DLG2: variants seen among roughly 807,000 people sequenced by gnomAD.
The protein encoded by DLG2 is disks large homolog 2.
DLG2 carries 45 observed loss-of-function variants against 132.5 expected under a neutral mutation model. The ratio of observed to expected loss-of-function variants is 0.34; its 90% CI spans 0.27 to 0.44. The LOEUF (loss-of-function observed/expected upper bound fraction) is 0.44. Ranked by LOEUF, DLG2 falls within the 20% of genes least tolerant of loss-of-function variation. DLG2 has a pLI of 1.00. For synonymous variants in DLG2, 424 were observed against 419.6 expected, an observed-to-expected ratio of 1.01 and a Z score of -0.13; for missense variants, 1,045 against 1,196.9, an observed-to-expected ratio of 0.87 and a Z score of 1.87.
intron 5 of DLG2, among the ~76,000 whole-genome samples, chr11:85,153,500 T>C (rs2077399602): frequency 6.6e-6 from 1 of 152,176 alleles, no homozygotes; most frequent in Non-Finnish European, 1.5e-5. Context: ...ATTTTCATTG[T>C]TTCTCACTAG....
intron 6 of DLG2, among the ~76,000 whole-genome samples, chr11:84,987,209 G>A (rs948916050): frequency 1.3e-5 from 2 of 152,078 alleles, no homozygotes; most frequent in Non-Finnish European, 2.9e-5. Flanking sequence ...AACCAAGGAG[G>A]TGAAAGACCT....
chr11:84,833,016 GGACTAT>G (rs1377093492), intron 6 of DLG2, among the ~76,000 whole-genome samples: 1 of 151,238 alleles, frequency 6.6e-6, no homozygotes, highest in African/African-American at 2.4e-5. Flanking sequence ...TTGGTATGTT[GGACTAT>G]GATTTTTAAT....
chr11:84,314,702 GTGCATATATA>G (rs2098336951), intron 7 of DLG2, among the ~76,000 whole-genome samples: 1 of 151,710 alleles, frequency 6.6e-6, no homozygotes, highest in African/African-American at 2.4e-5. Context: ...TTTTATATGT[GTGCATATATA>G]TGCATATATA....
chr11:84,888,162 A>T (rs763025341), intron 6 of DLG2, among the ~76,000 whole-genome samples: 17 of 152,096 alleles, frequency 1.1e-4, no homozygotes, highest in Non-Finnish European at 2.1e-4. Flanking sequence ...GGGCTAAGAG[A>T]TGCCCAGATA....
intron 21 of DLG2, among the ~76,000 whole-genome samples, chr11:83,492,669 C>T (rs2093922190): frequency 1.3e-5 from 2 of 152,178 alleles, no homozygotes; most frequent in Admixed American, 6.6e-5. Flanking sequence ...CTTCCAATTA[C>T]GCAGGCTGCA....
chr11:83,990,054 C>T (rs2093617588), intron 11 of DLG2, among the ~76,000 whole-genome samples: 2 of 152,124 alleles, frequency 1.3e-5, no homozygotes, highest in African/African-American at 2.4e-5. Flanking sequence ...ACACCACCTA[C>T]TGTGGAATGT....
chr11:84,533,905 CAA>C (rs558597260), intron 7 of DLG2, among the ~76,000 whole-genome samples: 20 of 70,272 alleles, frequency 2.8e-4, no homozygotes, highest in African/African-American at 8.4e-4. Context: ...CCAGTTCAGC[CAA>C]AAAAAAAAAA....
intron 19 of DLG2, among the ~76,000 whole-genome samples, chr11:83,571,533 A>C (rs192153922): frequency 2.6e-5 from 4 of 151,750 alleles, no homozygotes; most frequent in Admixed American, 1.3e-4. Context: ...ATTTGTAAGG[A>C]TTAAATTAAA....
intron 18 of DLG2, among the ~76,000 whole-genome samples, chr11:83,688,714 G>A (rs940374136): frequency 1.3e-5 from 2 of 152,180 alleles, no homozygotes; most frequent in South Asian, 2.1e-4. Context: ...TGAGTGGTAT[G>A]ATTGTGTGTA....
chr11:83,896,426 C>A (rs1317853240), intron 15 of DLG2, among the ~76,000 whole-genome samples: 2 of 152,196 alleles, frequency 1.3e-5, no homozygotes, highest in African/African-American at 4.8e-5. Flanking sequence ...GAATCTTAAT[C>A]TGCCCACATA....
intron 3 of DLG2, among the ~76,000 whole-genome samples, chr11:85,498,102 G>C (rs2093710022): frequency 6.6e-6 from 1 of 152,096 alleles, no homozygotes; most frequent in Admixed American, 6.6e-5. Flanking sequence ...ATGTAAATGG[G>C]CTAAATGCCC....
intron 6 of DLG2, among the ~76,000 whole-genome samples, chr11:84,775,078 A>C (rs2070198185): frequency 6.6e-6 from 1 of 152,148 alleles, no homozygotes; most frequent in South Asian, 2.1e-4. Flanking sequence ...AACTTAATTC[A>C]ACCAACGAAA....
chr11:84,331,560 AGGT>A (rs1286257429), intron 7 of DLG2, among the ~76,000 whole-genome samples: 1 of 67,552 alleles, frequency 1.5e-5, no homozygotes, highest in African/African-American at 5.7e-5. Context: ...TTGATGGAGG[AGGT>A]GGGTCGGCAG....
chr11:84,131,203 A>G (rs1361760415), intron 9 of DLG2, among the ~76,000 whole-genome samples: 1 of 151,996 alleles, frequency 6.6e-6, no homozygotes, highest in Non-Finnish European at 1.5e-5. Flanking sequence ...AAACATGAGC[A>G]TGTTGAAGAA....
At position 84,348,344 on chromosome 11, in the gene DLG2, T is replaced by C. The variant is rs1292420585; in HGVS notation, c.520-97053A>G. On this transcript the variant is annotated intron_variant, in intron 7 of 27. Transcript: ENST00000376104. ...CAAAGGTCAGGCAGTTAGGAAATGA[T>C]AGAATTCAAATTTTATTCTAGATCT... Among the ~76,000 whole-genome samples, 3 of 152,180 alleles carry C rather than the reference T, an allele frequency of 2.0e-5. No individual in the cohort carries two copies. The East Asian group carries it at 5.8e-4, about 29-fold the overall frequency.
intron 4 of DLG2, among the ~76,000 whole-genome samples, chr11:85,223,205 T>C (rs970295573): frequency 1.3e-5 from 2 of 151,986 alleles, no homozygotes; most frequent in African/African-American, 4.8e-5. Context: ...GACATAGGAG[T>C]AAACATCAAT....
In DLG2 at chr11:84,574,275, A is replaced by T. The variant is rs2099493304; in HGVS notation, c.358-39544T>A. Among the ~76,000 whole-genome samples, 4 of 152,198 alleles carry T rather than the reference A, an allele frequency of 2.6e-5. No individual in the cohort carries two copies. The South Asian group carries it at 8.3e-4, about 32-fold the overall frequency. ...ATACTCTTACTGTTACAGAGTTTAT[A>T]TCTTGAAAATAAGATATTACAGGAT... On this transcript the variant is annotated intron_variant, in intron 6 of 27. Coordinates refer to ENST00000376104, the MANE Select transcript of DLG2 (RefSeq NM_001142699.3).
At chr11:84,956,645 C>T (rs1294865628) in intron 6 of DLG2, among the ~76,000 whole-genome samples, 2 of 152,118 alleles carry the variant, frequency 1.3e-5, no homozygotes, top group African/African-American at 4.8e-5. Context: ...TGGCCCTCTG[C>T]TCCGGAAGGC....
intron 6 of DLG2, among the ~76,000 whole-genome samples, chr11:85,081,975 C>T (rs2067289297): frequency 6.6e-6 from 1 of 152,094 alleles, no homozygotes; most frequent in Non-Finnish European, 1.5e-5. Flanking sequence ...CCCACACAGG[C>T]TACTGGCAAT....
Sources: gnomAD v4.1 joint callset for allele counts (sites outside exome capture counted in the v4.1 genomes callset) on GRCh38, gnomAD v4.1.1 for gene constraint, MANE v1.5 for transcripts, NCBI Gene and HGNC (gene_info 2026-07-23, HGNC 2026-07-21) for gene names.